Variants in PDGFD observed in about 807,000 individuals in gnomAD.
PDGFD encodes the protein platelet derived growth factor D.
Under a neutral mutation model 44.7 loss-of-function variants are expected in PDGFD, and 30 were observed. The observed-to-expected ratio is 0.67, with a 90% CI of 0.50 to 0.91. The LOEUF is 0.91. Ranked by LOEUF, PDGFD falls within the 40% of genes least tolerant of loss-of-function variation. The pLI is 0.00. For missense variants in PDGFD, 445 were observed against 457.8 expected (o/e 0.97, Z 0.25); for synonymous variants, 173 against 168.4 (o/e 1.03, Z -0.21).
chr11:104,064,994 C>A (rs1289767360), intron 1 of PDGFD, among the ~76,000 whole-genome samples: 1 of 152,074 alleles, frequency 6.6e-6, no homozygotes, highest in Non-Finnish European at 1.5e-5. Flanking sequence ...AAAGGCAGAC[C>A]CACCCTCAAT....
chr11:104,123,294 A>G (rs1861803492), intron 1 of PDGFD, among the ~76,000 whole-genome samples: 1 of 152,090 alleles, frequency 6.6e-6, no homozygotes, highest in African/African-American at 2.4e-5. Flanking sequence ...TTAAACAATA[A>G]TGTCATTTTT....
rs750191048 is a variant in PDGFD at position 103,943,639 on chromosome 11, A to G, written c.585T>C (p.Tyr195=). 1.9e-6 allele frequency: 3 copies of G among 1,612,358 alleles called. No homozygotes were observed. The African/African-American group carries it at 4.0e-5, about 22-fold the overall frequency. The stretch of plus-strand genomic sequence containing the variant: ...TGGGATCCGTTACTGATGGAGAGTT[A>G]TAGGATACCCCCTAAGAGTGACATA... The part of the protein sequence containing the change: ...SVTSSISGVS[Y]NSPSVTDPTL... The change falls in exon 5 of 7, where the codon TAT becomes TAC. Residue 195 remains tyrosine, a synonymous_variant. Coordinates refer to ENST00000393158, the MANE Select transcript of PDGFD (RefSeq NM_025208.5).
chr11:103,975,855 T>A (rs150098488), intron 3 of PDGFD, among the ~76,000 whole-genome samples: 3 of 152,342 alleles, frequency 2.0e-5, no homozygotes, highest in African/African-American at 7.2e-5. Context: ...TTGGTCTATA[T>A]ATCTGTTTTA....
chr11:103,919,977 A>G (rs1363637774), intron 6 of PDGFD, among the ~76,000 whole-genome samples: 1 of 152,232 alleles, frequency 6.6e-6, no homozygotes, highest in Non-Finnish European at 1.5e-5. Flanking sequence ...AGTGACTACA[A>G]GCAAAAATAT....
chr11:104,055,912 G>T (rs865925848), intron 1 of PDGFD, among the ~76,000 whole-genome samples: 20 of 152,132 alleles, frequency 1.3e-4, no homozygotes, highest in Non-Finnish European at 1.8e-4. Flanking sequence ...AACACTGAGG[G>T]TACTTTCTAT....
chr11:104,088,990 C>A (rs923034543), intron 1 of PDGFD, among the ~76,000 whole-genome samples: 1 of 151,858 alleles, frequency 6.6e-6, no homozygotes, highest in African/African-American at 2.4e-5. Context: ...CTGCTTTCAC[C>A]TTTAAGGACT....
chr11:103,926,832 T>C, intron 6 of PDGFD, 80 bp downstream of exon 6: 1 of 1,427,364 alleles, frequency 7.0e-7, no homozygotes, highest in Middle Eastern at 1.8e-4. Flanking sequence ...GTGAACAACC[T>C]GAACAACTGT....
At chr11:104,037,597 G>A in intron 1 of PDGFD, 1 of 1,614,148 alleles carries the variant, frequency 6.2e-7, no homozygotes, top group Non-Finnish European at 8.5e-7. Flanking sequence ...GAAGGCTTTT[G>A]TTGACTCGGG....
chr11:103,993,316 G>A (rs1197850716), intron 3 of PDGFD, among the ~76,000 whole-genome samples: 2 of 151,582 alleles, frequency 1.3e-5, no homozygotes, highest in East Asian at 3.9e-4. Context: ...GGCTCAAGGG[G>A]TCCTCCTGCC....
At chr11:104,002,099 A>G (rs1859628572) in intron 1 of PDGFD, among the ~76,000 whole-genome samples, 1 of 152,136 alleles carries the variant, frequency 6.6e-6, no homozygotes, top group Admixed American at 6.6e-5. Context: ...ACTTCCAACA[A>G]GGACAGCAAG....
At chr11:103,960,707 G>T (rs1383792109) in intron 3 of PDGFD, among the ~76,000 whole-genome samples, 2 of 152,160 alleles carry the variant, frequency 1.3e-5, no homozygotes, top group Non-Finnish European at 2.9e-5. Flanking sequence ...GGAGCAGCTA[G>T]AACAAATTCC....
intron 1 of PDGFD, among the ~76,000 whole-genome samples, chr11:104,026,907 T>A (rs1256822279): frequency 6.6e-6 from 1 of 152,238 alleles, no homozygotes; most frequent in Non-Finnish European, 1.5e-5. Context: ...ATATTCTTGA[T>A]GTCAAGTTCA....
intron 1 of PDGFD, among the ~76,000 whole-genome samples, chr11:104,110,030 G>A (rs1185629299): frequency 6.6e-6 from 1 of 151,970 alleles, no homozygotes; most frequent in African/African-American, 2.4e-5. Flanking sequence ...AAAATCTCAG[G>A]AATATTATAA....
At chr11:104,132,788 C>T (rs1861942767) in intron 1 of PDGFD, among the ~76,000 whole-genome samples, 2 of 152,038 alleles carry the variant, frequency 1.3e-5, no homozygotes, top group African/African-American at 4.8e-5. Context: ...GTTGATTTTT[C>T]AAAATAAATC....
At chr11:104,020,230 G>C (rs1284522577) in intron 1 of PDGFD, among the ~76,000 whole-genome samples, 1 of 152,022 alleles carries the variant, frequency 6.6e-6, no homozygotes, top group Non-Finnish European at 1.5e-5. Flanking sequence ...GGACTTCCTT[G>C]ACACTATTTC....
chr11:103,937,396 T>C (rs1186642561), intron 5 of PDGFD, among the ~76,000 whole-genome samples: 1 of 152,162 alleles, frequency 6.6e-6, no homozygotes, highest in Non-Finnish European at 1.5e-5. Flanking sequence ...ATCTTACTTA[T>C]ATTGTTTATC....
Position 104,086,624 on chromosome 11 carries a change from C to G in PDGFD, c.124+77180G>C, listed in dbSNP as rs114895930. ...CCTTAGTTAGAAATAAACATAGTCT[C>G]AATATCACCCGGTTCAGACCAAAGG... is the stretch of plus-strand genomic sequence containing the variant. On this transcript the variant is annotated intron_variant, in intron 1 of 6. Transcript: ENST00000393158. Among the ~76,000 whole-genome samples the G allele has an allele frequency of 2.7e-3, 412 of 152,322 alleles. 2 individuals carry two copies. Among genetic ancestry groups the G allele is most frequent in the African/African-American group, 9.7e-3 (404 of 41,584 alleles).
chr11:104,148,270 A>C (rs1217498935), intron 1 of PDGFD, among the ~76,000 whole-genome samples: 3 of 152,180 alleles, frequency 2.0e-5, no homozygotes, highest in Non-Finnish European at 4.4e-5. Context: ...ATTTCAACAC[A>C]CTGAAACGAT....
chr11:104,138,664 C>T (rs1401182289), intron 1 of PDGFD, among the ~76,000 whole-genome samples: 2 of 152,188 alleles, frequency 1.3e-5, no homozygotes, highest in African/African-American at 4.8e-5. Flanking sequence ...TTCAGATGCA[C>T]ATCTTCAGTT....
Sources: gnomAD v4.1 joint callset for allele counts (sites outside exome capture counted in the v4.1 genomes callset) on GRCh38, gnomAD v4.1.1 for gene constraint, MANE v1.5 for transcripts, NCBI Gene and HGNC (gene_info 2026-07-23, HGNC 2026-07-21) for gene names.